MSR1: variants seen among roughly 807,000 people sequenced by gnomAD.
MSR1 encodes the protein macrophage scavenger receptor types I and II.
MSR1 carries 53 observed loss-of-function variants against 47.2 expected under a neutral mutation model. The observed-to-expected ratio is 1.12, with a 90% CI of 0.90 to 1.41. The LOEUF (loss-of-function observed/expected upper bound fraction) is 1.41. Among genes scored for constraint, MSR1 ranks in the 40% most tolerant of loss-of-function variants. MSR1 has a pLI of 0.00. For missense variants in MSR1, 786 were observed against 546.9 expected (o/e 1.44, Z -4.36); for synonymous variants, 239 against 185.6 (o/e 1.29, Z -2.34).
intron 8 of MSR1, among the ~76,000 whole-genome samples, chr8:16,135,496 G>T (rs1800367301): frequency 6.6e-6 from 1 of 152,044 alleles, no homozygotes; most frequent in African/African-American, 2.4e-5. Context: ...TGCTCATTGA[G>T]AGTGCACCTG....
In MSR1 at chr8:16,128,186, G is replaced by A. The variant is rs370936162; in HGVS notation, c.1034-7580C>T. On this transcript the variant is annotated intron_variant, in intron 8 of 9. Transcript: ENST00000262101. ...AATTCATCCTGAAACAGTTCCAGCC[G>A]TGTGCTGCAGAGATCCTGCCCACAG... Among the ~76,000 whole-genome samples the A allele has an allele frequency of 2.7e-4, 41 of 152,242 alleles. 1 individual carries two copies. The highest frequency in any genetic ancestry group is 8.9e-4 in the African/African-American group (37 of 41,558).
At chr8:16,170,104 C>G (rs1801438236) in intron 3 of MSR1, among the ~76,000 whole-genome samples, 1 of 152,084 alleles carries the variant, frequency 6.6e-6, no homozygotes, top group South Asian at 2.1e-4. Flanking sequence ...AATCCCAGCA[C>G]TTTGGGAGGC....
intron 8 of MSR1, among the ~76,000 whole-genome samples, chr8:16,124,690 T>C (rs550512931): frequency 5.9e-5 from 9 of 152,288 alleles, no homozygotes; most frequent in African/African-American, 1.9e-4. Context: ...ACAGATGCTA[T>C]ACCAAACTGC....
chr8:16,158,550 G>A (rs374525027), intron 5 of MSR1, among the ~76,000 whole-genome samples: 3 of 151,478 alleles, frequency 2.0e-5, no homozygotes, highest in Non-Finnish European at 2.9e-5. Flanking sequence ...CTTCTACTCC[G>A]TTTTCAATCT....
intron 1 of MSR1, chr8:16,186,297 GTT>G: frequency 9.0e-7 from 1 of 1,114,610 alleles, no homozygotes. Context: ...TTTCTGTTCT[GTT>G]TTCTCTCCTA....
intron 8 of MSR1, among the ~76,000 whole-genome samples, chr8:16,131,998 G>GTT (rs150801416): frequency 7.0e-4 from 102 of 145,108 alleles, no homozygotes; most frequent in African/African-American, 2.4e-3. Flanking sequence ...TTACAATAGG[G>GTT]TTTTTTTTTT....
intron 1 of MSR1, among the ~76,000 whole-genome samples, chr8:16,181,933 T>C (rs1200044745): frequency 6.6e-6 from 1 of 152,202 alleles, no homozygotes; most frequent in Non-Finnish European, 1.5e-5. Flanking sequence ...CTGGTATGTA[T>C]AGACATGTGT....
intron 5 of MSR1, among the ~76,000 whole-genome samples, chr8:16,156,701 G>A (rs551855439): frequency 1.3e-4 from 20 of 150,628 alleles, no homozygotes; most frequent in African/African-American, 4.0e-4. Flanking sequence ...AAGTGTGTAC[G>A]TGTATTTTTT....
chr8:16,181,800 TAA>T (rs200928394), intron 1 of MSR1, among the ~76,000 whole-genome samples: 1 of 145,290 alleles, frequency 6.9e-6, no homozygotes, highest in East Asian at 2.0e-4. Context: ...AAGTATAATT[TAA>T]AAAAAAAAAA....
chr8:16,171,971 A>G (rs1801500048), intron 3 of MSR1, among the ~76,000 whole-genome samples: 1 of 152,192 alleles, frequency 6.6e-6, no homozygotes, highest in Non-Finnish European at 1.5e-5. Flanking sequence ...GCATGTAATA[A>G]GCACTTGAAA....
At chr8:16,146,231 T>C (rs756952638) in intron 7 of MSR1, among the ~76,000 whole-genome samples, 2 of 152,068 alleles carry the variant, frequency 1.3e-5, no homozygotes, top group Non-Finnish European at 2.9e-5. Flanking sequence ...TGCTTCTTCC[T>C]GGTCCCTGAA....
chr8:16,164,351 T>C (rs1801245519), intron 4 of MSR1, 100 bp from the exon 5 acceptor site: 1 of 926,050 alleles, frequency 1.1e-6, no homozygotes, highest in Non-Finnish European at 1.7e-6. Context: ...TAAAAACATA[T>C]TATGGGAGTT....
intron 9 of MSR1, among the ~76,000 whole-genome samples, chr8:16,118,509 T>C (rs1799927251): frequency 6.6e-6 from 1 of 152,020 alleles, no homozygotes; most frequent in Non-Finnish European, 1.5e-5. Context: ...AAGCCAAAAA[T>C]AACTACCAAA....
intron 8 of MSR1, among the ~76,000 whole-genome samples, chr8:16,126,356 T>A (rs1442122328): frequency 6.6e-6 from 1 of 152,180 alleles, no homozygotes; most frequent in Non-Finnish European, 1.5e-5. Flanking sequence ...TCCTATTGTT[T>A]ACTCATAGTC....
At chr8:16,117,550 G>T (rs1451121308) in intron 9 of MSR1, among the ~76,000 whole-genome samples, 1 of 152,098 alleles carries the variant, frequency 6.6e-6, no homozygotes, top group African/African-American at 2.4e-5. Context: ...TGCCTTTAAA[G>T]GTATGTTTGA....
intron 8 of MSR1, among the ~76,000 whole-genome samples, chr8:16,129,958 G>A (rs558420144): frequency 1.3e-5 from 2 of 152,258 alleles, no homozygotes; most frequent in South Asian, 4.1e-4. Flanking sequence ...AAGGTACTTG[G>A]TACTCAGGCT....
chr8:16,127,761 C>T (rs534441864), intron 8 of MSR1, among the ~76,000 whole-genome samples: 66 of 152,246 alleles, frequency 4.3e-4, no homozygotes, highest in African/African-American at 1.6e-3. Flanking sequence ...TGCCTGAAGC[C>T]ATCTGTGGGA....
chr8:16,151,805 G>A (rs772260699), intron 6 of MSR1, among the ~76,000 whole-genome samples: 3 of 152,068 alleles, frequency 2.0e-5, no homozygotes, highest in Non-Finnish European at 4.4e-5. Context: ...CTCCATTCAG[G>A]CTCCTTCCTG....
chr8:16,136,046 A>G (rs748709699), intron 8 of MSR1, among the ~76,000 whole-genome samples: 2 of 152,164 alleles, frequency 1.3e-5, no homozygotes, highest in Non-Finnish European at 2.9e-5. Context: ...TGCTGTGAAC[A>G]TTGTTGAGAC....
Sources: allele counts gnomAD v4.1 joint callset (sites outside exome capture counted in the v4.1 genomes callset), GRCh38; gene constraint gnomAD v4.1.1; transcripts MANE v1.5; gene names NCBI Gene and HGNC (gene_info 2026-07-23, HGNC 2026-07-21).